Variants in PCDH15 observed in about 807,000 individuals in gnomAD.
PCDH15 encodes the protein protocadherin related 15, also known as protocadherin-15.
A neutral mutation model predicts 178.5 loss-of-function variants in PCDH15; 129 were observed. The ratio of observed to expected loss-of-function variants is 0.72; its 90% CI spans 0.63 to 0.84. The LOEUF is 0.84. Among genes scored for constraint, PCDH15 ranks in the 40% least tolerant of loss-of-function variants. The pLI, the probability that PCDH15 is intolerant of heterozygous loss-of-function variation, is 0.00. For missense variants in PCDH15, 2,230 were observed against 2,099.9 expected (o/e 1.06, Z -1.21); for synonymous variants, 800 against 732.0 (o/e 1.09, Z -1.50).
chr10:54,010,599 GC>G lies in PCDH15; in HGVS notation c.2751+9592del, dbSNP rs1214296305. The stretch of plus-strand genomic sequence containing the variant: ...CAGTGCCTCTGGACTTGGGCCCCTA[GC>G]ACAACCACCTTGTCAATGCCTAACA... On this transcript the variant is annotated intron_variant, in intron 20 of 37. Coordinates refer to ENST00000644397, the MANE Select transcript of PCDH15 (RefSeq NM_001384140.1). 2.0e-5 allele frequency among the ~76,000 whole-genome samples: 3 copies of G among 152,132 alleles called. No individual in the cohort carries two copies. In the East Asian group the frequency reaches 5.8e-4, roughly 29 times the overall value.
chr10:55,521,624 T>C (rs1178759578), intron 2 of PCDH15, among the ~76,000 whole-genome samples: 1 of 152,096 alleles, frequency 6.6e-6, no homozygotes, highest in East Asian at 1.9e-4. Context: ...ATTGTTTTCA[T>C]ATCTTGGCTA....
chr10:54,543,543 A>G (rs2085501756), intron 2 of PCDH15, among the ~76,000 whole-genome samples: 1 of 152,230 alleles, frequency 6.6e-6, no homozygotes, highest in African/African-American at 2.4e-5. Context: ...TTGTTTCACA[A>G]TAAAGAAGTG....
chr10:55,122,136 G>A (rs1837787656), intron 2 of PCDH15, among the ~76,000 whole-genome samples: 1 of 152,120 alleles, frequency 6.6e-6, no homozygotes, highest in South Asian at 2.1e-4. Flanking sequence ...TTACAAGGAT[G>A]TATTAAGTAT....
intron 26 of PCDH15, among the ~76,000 whole-genome samples, chr10:53,896,602 G>A (rs770064580): frequency 1.3e-5 from 2 of 152,066 alleles, no homozygotes; most frequent in Admixed American, 6.6e-5. Context: ...ACTACCAGTC[G>A]GTGACCTGTT....
At chr10:53,834,338 T>C (rs886142522) in intron 29 of PCDH15, among the ~76,000 whole-genome samples, 1 of 152,144 alleles carries the variant, frequency 6.6e-6, no homozygotes, top group Non-Finnish European at 1.5e-5. Flanking sequence ...TTTCCAATGG[T>C]TTCTGTAGGA....
At chr10:54,792,791 C>CAGAATGA (rs1951544623) in intron 1 of PCDH15, among the ~76,000 whole-genome samples, 6 of 151,738 alleles carry the variant, frequency 4.0e-5, no homozygotes, top group African/African-American at 1.5e-4. Context: ...CTATTTGTCA[C>CAGAATGA]CTATCTAATT....
intron 3 of PCDH15, among the ~76,000 whole-genome samples, chr10:54,418,254 T>C (rs1954744509): frequency 1.3e-5 from 2 of 152,198 alleles, no homozygotes; most frequent in South Asian, 2.1e-4. Context: ...GGTGTGTATA[T>C]GGGAATTGGT....
At chr10:53,891,970 A>T (rs1274107580) in intron 26 of PCDH15, among the ~76,000 whole-genome samples, 1 of 151,766 alleles carries the variant, frequency 6.6e-6, no homozygotes, top group African/African-American at 2.4e-5. Context: ...CTCCATATCA[A>T]AACAAACAAA....
intron 11 of PCDH15, among the ~76,000 whole-genome samples, chr10:54,195,231 GA>G (rs574709272): frequency 1.3e-3 from 205 of 152,310 alleles, no homozygotes; most frequent in African/African-American, 4.8e-3. Context: ...GTCACTGGCA[GA>G]AGTATGAATG....
chr10:54,032,987 G>C (rs1444400700), intron 18 of PCDH15, among the ~76,000 whole-genome samples: 2 of 151,686 alleles, frequency 1.3e-5, no homozygotes, highest in Non-Finnish European at 2.9e-5. Flanking sequence ...AAGAGCATGG[G>C]GGAAGCCTCC....
At chr10:54,533,269 C>A (rs148031976) in intron 2 of PCDH15, among the ~76,000 whole-genome samples, 1 of 151,960 alleles carries the variant, frequency 6.6e-6, no homozygotes, top group Non-Finnish European at 1.5e-5. Flanking sequence ...TTTCCAAGAA[C>A]CTACGGACAA....
intron 3 of PCDH15, among the ~76,000 whole-genome samples, chr10:54,846,012 C>T (rs1309715864): frequency 6.6e-6 from 1 of 152,040 alleles, no homozygotes; most frequent in East Asian, 1.9e-4. Context: ...TTTCTAAAAA[C>T]CATTTAATAT....
At chr10:54,464,458 G>A (rs1042261730) in intron 3 of PCDH15, among the ~76,000 whole-genome samples, 8 of 152,140 alleles carry the variant, frequency 5.3e-5, no homozygotes, top group African/African-American at 1.9e-4. Context: ...GAGGAACTAG[G>A]AGTTTATATG....
At chr10:55,332,985 A>G (rs1269265837) in intron 2 of PCDH15, among the ~76,000 whole-genome samples, 4 of 152,170 alleles carry the variant, frequency 2.6e-5, no homozygotes, top group Non-Finnish European at 5.9e-5. Context: ...CTTGCCACAC[A>G]TCTTTTACAT....
chr10:55,378,952 AATTGCTTATTT>A (rs901517624), intron 2 of PCDH15, among the ~76,000 whole-genome samples: 1 of 149,846 alleles, frequency 6.7e-6, no homozygotes, highest in African/African-American at 2.5e-5. Flanking sequence ...GAAAATATTC[AATTGCTTATTT>A]TTCCCGTATC....
At chr10:53,812,663 G>A (rs180996602) in intron 35 of PCDH15, among the ~76,000 whole-genome samples, 59 of 152,116 alleles carry the variant, frequency 3.9e-4, no homozygotes, top group Middle Eastern at 3.4e-3. Flanking sequence ...ATGTGAAAAC[G>A]GTTTCTGATA....
At chr10:55,131,321 G>A (rs932437074) in intron 2 of PCDH15, among the ~76,000 whole-genome samples, 2 of 152,140 alleles carry the variant, frequency 1.3e-5, no homozygotes, top group African/African-American at 4.8e-5. Flanking sequence ...GAAATAAAGT[G>A]GTGCCCAGAA....
chr10:53,900,232 T>C (rs201864092), intron 26 of PCDH15, among the ~76,000 whole-genome samples: 1 of 126,010 alleles, frequency 7.9e-6, no homozygotes, highest in Non-Finnish European at 1.7e-5. Context: ...TCTCTCTCTC[T>C]CCCCCCCTCT....
At chr10:53,834,679 C>A (rs2077205584) in intron 29 of PCDH15, among the ~76,000 whole-genome samples, 2 of 152,070 alleles carry the variant, frequency 1.3e-5, no homozygotes, top group Admixed American at 6.5e-5. Context: ...AGTTGCTAAA[C>A]CAATGTCATG....
Sources: allele counts gnomAD v4.1 joint callset (sites outside exome capture counted in the v4.1 genomes callset), GRCh38; gene constraint gnomAD v4.1.1; transcripts MANE v1.5; gene names NCBI Gene and HGNC (gene_info 2026-07-23, HGNC 2026-07-21).